CFAP61: variants seen among roughly 807,000 people sequenced by gnomAD.
CFAP61 encodes cilia- and flagella-associated protein 61.
In CFAP61, 107 loss-of-function variants were observed where a neutral mutation model predicts 135.6. The observed-to-expected ratio is 0.79, with a 90% CI of 0.67 to 0.93. The LOEUF (loss-of-function observed/expected upper bound fraction) is 0.93, where lower values mean the gene tolerates loss of function less well. Ranked by LOEUF, CFAP61 falls within the 40% of genes least tolerant of loss-of-function variation. The pLI is 0.00. For synonymous variants in CFAP61, 575 were observed against 578.5 expected (o/e 0.99, Z 0.09); for missense variants, 1,507 against 1,556.2 (o/e 0.97, Z 0.53).
intron 25 of CFAP61, among the ~76,000 whole-genome samples, chr20:20,307,309 T>A (rs1333156829): frequency 6.6e-6 from 1 of 152,214 alleles, no homozygotes; most frequent in Non-Finnish European, 1.5e-5. Flanking sequence ...TCATTGAGCA[T>A]CAGTTTCCTC....
chr20:20,238,545 T>G lies in CFAP61; in HGVS notation c.2061-7572T>G, dbSNP rs1003084071. Among the ~76,000 whole-genome samples, 53 of 152,236 alleles carry G rather than the reference T, an allele frequency of 3.5e-4. 1 individual carries two copies. The highest frequency in any genetic ancestry group is 3.5e-3 in the Admixed American group (53 of 15,282). ...ATTAAATCACTTGCTTTGGTTGCGT[T>G]TGCTATGCCTGCACCCTGCAGACAC... On this transcript the variant is annotated intron_variant, in intron 18 of 26. Transcript: ENST00000245957.
intron 25 of CFAP61, among the ~76,000 whole-genome samples, chr20:20,338,125 A>G (rs113492686): frequency 9.2e-4 from 140 of 152,282 alleles, no homozygotes; most frequent in African/African-American, 3.3e-3. Flanking sequence ...AGGCTGCTTC[A>G]TAGAGAGGAA....
At chr20:20,187,681 G>T (rs965501222) in intron 13 of CFAP61, among the ~76,000 whole-genome samples, 5 of 152,040 alleles carry the variant, frequency 3.3e-5, no homozygotes, top group African/African-American at 1.2e-4. Context: ...TGTATTTAAA[G>T]TATCTCTGTG....
chr20:20,068,765 A>T (rs184971666), intron 2 of CFAP61, among the ~76,000 whole-genome samples: 16 of 152,300 alleles, frequency 1.1e-4, no homozygotes, highest in Admixed American at 5.9e-4. Context: ...ATTTCTTTTG[A>T]GACGGAGTCT....
chr20:20,343,263 G>A (rs540520225), intron 26 of CFAP61, among the ~76,000 whole-genome samples: 8 of 152,354 alleles, frequency 5.3e-5, no homozygotes, highest in African/African-American at 1.7e-4. Flanking sequence ...CAGGGCCGAA[G>A]TGCGTGTCCT....
At chr20:20,247,222 C>G (rs922643390) in intron 19 of CFAP61, among the ~76,000 whole-genome samples, 2 of 152,198 alleles carry the variant, frequency 1.3e-5, no homozygotes, top group South Asian at 2.1e-4. Context: ...TTCCCTCTTT[C>G]TAAATTACAC....
chr20:20,074,079 T>G, intron 3 of CFAP61: 3 of 569,778 alleles, frequency 5.3e-6, no homozygotes, highest in Non-Finnish European at 6.3e-6. Context: ...ACAGTCCCTG[T>G]TTCCTTAAAT....
chr20:20,340,771 A>G lies in CFAP61; in HGVS notation c.3423-1060A>G, dbSNP rs1324740224. ...GGGATTTCAGCCGCTGAGGAAAGAC[A>G]GTGTGTTAACAGCTGGATGAACATA... On this transcript the variant is annotated intron_variant, in intron 25 of 26. Transcript: ENST00000245957. Among the ~76,000 whole-genome samples the G allele has an allele frequency of 6.6e-5, 10 of 152,314 alleles. No individual in the cohort carries two copies. In the East Asian group the frequency reaches 1.9e-3, roughly 29 times the overall value.
intron 22 of CFAP61, among the ~76,000 whole-genome samples, chr20:20,285,286 T>G (rs533230733): frequency 3.3e-5 from 5 of 151,988 alleles, no homozygotes; most frequent in South Asian, 4.2e-4. Flanking sequence ...GTTTGTTTTT[T>G]TTGTTTTTAA....
intron 7 of CFAP61, 41 bp from the exon 8 acceptor site, chr20:20,098,607 CAAAAAAA>C (rs10651068): frequency 6.7e-6 from 8 of 1,193,150 alleles, no homozygotes; most frequent in South Asian, 3.6e-5. Context: ...GACTTTGTCT[CAAAAAAA>C]AAAAAAAAAA....
At chr20:20,172,871 C>T (rs1220620978) in intron 13 of CFAP61, among the ~76,000 whole-genome samples, 1 of 152,220 alleles carries the variant, frequency 6.6e-6, no homozygotes, top group Non-Finnish European at 1.5e-5. Context: ...CGTATAATGA[C>T]ATGTATCCAC....
At chr20:20,159,524 C>A (rs1178295940) in intron 10 of CFAP61, 80 bp downstream of exon 10, 3 of 1,233,436 alleles carry the variant, frequency 2.4e-6, no homozygotes, top group African/African-American at 3.0e-5. Context: ...GGATTTGTGC[C>A]CTTTCCTCCT....
At chr20:20,067,145 C>T (rs1468349849) in intron 2 of CFAP61, among the ~76,000 whole-genome samples, 1 of 150,644 alleles carries the variant, frequency 6.6e-6, no homozygotes, top group Non-Finnish European at 1.5e-5. Flanking sequence ...TTTCCTGAAG[C>T]AGTTGAATAA....
rs1321256249 is a variant in CFAP61 at position 20,280,830 on chromosome 20, C to T, written c.2796+3372C>T. On this transcript the variant is annotated intron_variant, in intron 22 of 26. Coordinates refer to ENST00000245957, the MANE Select transcript of CFAP61 (RefSeq NM_015585.4). Reference sequence around the variant, plus strand: ...AAAGTAGCTATACCATTTTACATTTCCATCAGCAATGTATGAGAGTTCCAG... The same window carrying T: ...AAAGTAGCTATACCATTTTACATTTTCATCAGCAATGTATGAGAGTTCCAG... Among the ~76,000 whole-genome samples the T allele has an allele frequency of 3.3e-5, 5 of 152,312 alleles. No individual in the cohort carries two copies. The South Asian group carries it at 1.0e-3, about 32-fold the overall frequency.
chr20:20,316,061 T>C (rs1029508557), intron 25 of CFAP61, among the ~76,000 whole-genome samples: 4 of 152,064 alleles, frequency 2.6e-5, no homozygotes, highest in Admixed American at 1.3e-4. Flanking sequence ...AGTAGTTTTT[T>C]CCAATTCTGT....
chr20:20,340,550 G>C (rs1029536229), intron 25 of CFAP61, among the ~76,000 whole-genome samples: 2 of 152,092 alleles, frequency 1.3e-5, no homozygotes, highest in Non-Finnish European at 2.9e-5. Flanking sequence ...AAGGGTCCCC[G>C]ACGGGCAACA....
At chr20:20,245,973 C>T in intron 18 of CFAP61, 144 bp from the exon 19 acceptor site, 1 of 612,410 alleles carries the variant, frequency 1.6e-6, no homozygotes, top group Non-Finnish European at 2.9e-6. Context: ...TTGGTTCTAT[C>T]TGAAGGTTCG....
chr20:20,343,643 C>T (rs6081965), intron 26 of CFAP61, among the ~76,000 whole-genome samples: 62,766 of 152,018 alleles, frequency 0.41, 13,642 homozygotes, highest in East Asian at 0.56. Context: ...CACCTTCCTT[C>T]CTTGCAGAAT....
At chr20:20,119,566 G>T (rs1487300021) in intron 8 of CFAP61, among the ~76,000 whole-genome samples, 6 of 151,784 alleles carry the variant, frequency 4.0e-5, no homozygotes, top group African/African-American at 7.3e-5. Flanking sequence ...TTTTCATTTT[G>T]TCTATCTTCT....
Sources: gnomAD v4.1 joint callset for allele counts (sites outside exome capture counted in the v4.1 genomes callset) on GRCh38, gnomAD v4.1.1 for gene constraint, MANE v1.5 for transcripts, NCBI Gene and HGNC (gene_info 2026-07-23, HGNC 2026-07-21) for gene names.